The following PTPRS variants were observed in gnomAD, a reference collection of about 807,000 sequenced individuals.
PTPRS encodes receptor-type tyrosine-protein phosphatase S.
A neutral mutation model predicts 215.3 loss-of-function variants in PTPRS; 63 were observed. That is an observed-to-expected ratio of 0.29 (90% CI 0.24 to 0.36). The LOEUF is 0.36. PTPRS is among the 10% of genes least tolerant of loss of function. The pLI is 1.00. For synonymous variants in PTPRS, 1,404 were observed against 1,191.4 expected, an observed-to-expected ratio of 1.18 and a Z score of -3.68; for missense variants, 2,258 against 2,825.8, an observed-to-expected ratio of 0.80 and a Z score of 4.56.
intron 1 of PTPRS, among the ~76,000 whole-genome samples, chr19:5,297,562 G>C (rs1372981416): frequency 6.6e-6 from 1 of 152,152 alleles, no homozygotes; most frequent in Non-Finnish European, 1.5e-5. Context: ...ATAAGGCCGG[G>C]CAGTGCTAAG....
chr19:5,320,388 C>A (rs1199598386), intron 1 of PTPRS, among the ~76,000 whole-genome samples: 1 of 152,186 alleles, frequency 6.6e-6, no homozygotes, highest in Non-Finnish European at 1.5e-5. Flanking sequence ...CGGGAAGTGG[C>A]CAGTGTAGGG....
intron 1 of PTPRS, among the ~76,000 whole-genome samples, chr19:5,300,249 AAAAAAG>A (rs2049261393): frequency 6.6e-6 from 1 of 151,830 alleles, no homozygotes; most frequent in Admixed American, 6.6e-5. Context: ...TCAAAAAAAA[AAAAAAG>A]AAAAGAAAAA....
chr19:5,303,664 G>A (rs1031450174), intron 1 of PTPRS, among the ~76,000 whole-genome samples: 1 of 151,980 alleles, frequency 6.6e-6, no homozygotes, highest in Non-Finnish European at 1.5e-5. Context: ...AGGGGTAATA[G>A]GAGTGAGGAC....
At chr19:5,317,448 G>C (rs1833893776) in intron 1 of PTPRS, among the ~76,000 whole-genome samples, 2 of 152,150 alleles carry the variant, frequency 1.3e-5, no homozygotes. Context: ...CCCCAGACTG[G>C]GAGACAGAGC....
chr19:5,242,542 A>AT (rs756611742), intron 11 of PTPRS, among the ~76,000 whole-genome samples: 37,754 of 132,872 alleles, frequency 0.28, 6,124 homozygotes, highest in East Asian at 0.69. Flanking sequence ...TAATTTTTGT[A>AT]TTTTTTTTTT....
intron 1 of PTPRS, among the ~76,000 whole-genome samples, chr19:5,324,340 G>C (rs924759497): frequency 4.6e-4 from 70 of 152,080 alleles, no homozygotes; most frequent in South Asian, 1.0e-3. Flanking sequence ...ACATTGGCTT[G>C]TATTATTTTT....
At chr19:5,300,008 A>G (rs933736944) in intron 1 of PTPRS, among the ~76,000 whole-genome samples, 8 of 152,128 alleles carry the variant, frequency 5.3e-5, no homozygotes, top group Non-Finnish European at 1.0e-4. Context: ...TGGGAGGCCA[A>G]AGTGGGTGGA....
Position 5,257,551 on chromosome 19 carries a change from G to A in PTPRS, c.706+466C>T, listed in dbSNP as rs988363905. ...GATTGAGGGCCCTGGATTAGGGGGG[G>A]CAGTGAAGCGGGGAGCTACGAGGCC... On this transcript the variant is annotated intron_variant, in intron 8 of 37. Transcript: ENST00000262963. The surrounding 1 kb of genome is among the most constrained non-coding windows in gnomAD (Gnocchi z 4.4). The A allele has an allele frequency of 4.5e-6, 2 of 439,574 alleles. No individual in the cohort carries two copies. Among genetic ancestry groups the A allele is most frequent in the African/African-American group, 2.0e-5 (1 of 49,486 alleles). The allele number at this position is 439,574 out of a possible 1,614,324, so 27.2% of individuals were successfully genotyped here. A position where few individuals can be genotyped will look rare whatever the true frequency, so the allele number is the denominator to read the frequency against.
intron 18 of PTPRS, 62 bp downstream of exon 18, chr19:5,222,627 C>A (rs1288308683): frequency 6.0e-5 from 42 of 697,352 alleles, no homozygotes; most frequent in Non-Finnish European, 7.4e-5. Context: ...AGGGAGGGGG[C>A]TGGGGTGGGG....
At chr19:5,239,103 GAGAGAGAGAGAGACAGAAACAAA>G in intron 12 of PTPRS, 40 bp from the exon 13 acceptor site, 1 of 1,459,700 alleles carries the variant, frequency 6.9e-7, no homozygotes, top group Non-Finnish European at 9.4e-7. Context: ...GGATGGGGGA[GAGAGAGAGAGAGACAGAAACAAA>G]GGGGAGAGAG....
chr19:5,231,867 CACCT>C (rs2043049217), intron 13 of PTPRS, among the ~76,000 whole-genome samples: 2 of 152,190 alleles, frequency 1.3e-5, no homozygotes, highest in African/African-American at 4.8e-5. Context: ...CACCAGGCTG[CACCT>C]ACGTGGTGCA....
chr19:5,240,011 G>A (rs2043885827), intron 12 of PTPRS, among the ~76,000 whole-genome samples, 188 bp downstream of exon 12: 2 of 152,068 alleles, frequency 1.3e-5, no homozygotes, highest in Non-Finnish European at 2.9e-5. Flanking sequence ...CAAAGGAGAT[G>A]AGACAGAGGA....
intron 22 of PTPRS, 121 bp downstream of exon 22, chr19:5,219,817 CT>C (rs2041817952): frequency 1.8e-6 from 2 of 1,142,560 alleles, no homozygotes; most frequent in Non-Finnish European, 2.5e-6. Context: ...GTCTTCCCCT[CT>C]GCCCAGCTCT....
intron 2 of PTPRS, among the ~76,000 whole-genome samples, chr19:5,277,332 T>A (rs1484168598): frequency 6.6e-6 from 1 of 152,054 alleles, no homozygotes; most frequent in Non-Finnish European, 1.5e-5. Context: ...TGCCAGGCTA[T>A]CTATGCAGCA....
At chr19:5,264,647 G>A (rs1243877073) in intron 5 of PTPRS, among the ~76,000 whole-genome samples, 1 of 152,142 alleles carries the variant, frequency 6.6e-6, no homozygotes, top group Non-Finnish European at 1.5e-5. Flanking sequence ...ACTGTCTGTG[G>A]GTGACAGCTG....
At chr19:5,336,401 C>G (rs1177018416) in intron 1 of PTPRS, among the ~76,000 whole-genome samples, 1 of 152,002 alleles carries the variant, frequency 6.6e-6, no homozygotes, top group African/African-American at 2.4e-5. Flanking sequence ...TTCCCTCGAT[C>G]ACATCCCCTA....
chr19:5,274,423 T>C, intron 2 of PTPRS, 79 bp from the exon 3 acceptor site: 4 of 1,453,972 alleles, frequency 2.8e-6, no homozygotes, highest in Non-Finnish European at 3.7e-6. Flanking sequence ...CACGAAAACC[T>C]GCATTCCATG....
At chr19:5,330,855 G>C (rs1214979952) in intron 1 of PTPRS, among the ~76,000 whole-genome samples, 4 of 152,124 alleles carry the variant, frequency 2.6e-5, no homozygotes, top group Non-Finnish European at 5.9e-5. Context: ...GCACCCTGCT[G>C]ATATCTGGGA....
chr19:5,301,323 T>G (rs2049297417), intron 1 of PTPRS, among the ~76,000 whole-genome samples: 1 of 151,036 alleles, frequency 6.6e-6, no homozygotes, highest in Admixed American at 6.6e-5. Flanking sequence ...TGCTGTTTTT[T>G]TTTTTTTTTT....
Sources: gnomAD v4.1 joint callset for allele counts (sites outside exome capture counted in the v4.1 genomes callset) on GRCh38, gnomAD v4.1.1 for gene constraint, Gnocchi (gnomAD v3.1) non-coding constraint, MANE v1.5 for transcripts, NCBI Gene and HGNC (gene_info 2026-07-23, HGNC 2026-07-21) for gene names.